DMD: variants seen among roughly 807,000 people sequenced by gnomAD.
DMD encodes dystrophin.
Under a neutral mutation model 330.1 loss-of-function variants are expected in DMD, and 63 were observed. That is an observed-to-expected ratio of 0.19 (90% CI 0.16 to 0.24). The LOEUF (loss-of-function observed/expected upper bound fraction) is 0.24, where lower values mean the gene tolerates loss of function less well. DMD is among the 10% of genes least tolerant of loss of function. The pLI, the probability that DMD is intolerant of heterozygous loss-of-function variation, is 1.00. For synonymous variants in DMD, 1,223 were observed against 959.8 expected (o/e 1.27, Z -5.07); for missense variants, 3,344 against 2,684.1 (o/e 1.25, Z -5.43).
intron 52 of DMD, among the ~76,000 whole-genome samples, chrX:31,688,663 C>T (rs2082873219): frequency 1.8e-5 from 2 of 110,813 alleles, no homozygotes; most frequent in African/African-American, 3.3e-5. Context: ...AGAGACACAA[C>T]AAAAAAAGAG....
At chrX:31,856,276 A>C (rs1304842466) in intron 48 of DMD, among the ~76,000 whole-genome samples, 6 of 111,787 alleles carry the variant, frequency 5.4e-5, no homozygotes, top group Non-Finnish European at 9.4e-5. Context: ...ATATATGATA[A>C]AATTAAAAAT....
At position 33,009,614 on chromosome X, in the gene DMD, ATG is replaced by A. The variant is rs1170819437; in HGVS notation, c.93+10523_93+10524del. On this transcript the variant is annotated intron_variant, in intron 2 of 78. Transcript: ENST00000357033. ...TATGTGTGTATGTGTATATACACATATGTGTGTATGTGTGTATGTGTATATAC... is the reference window on the plus strand; with the variant it reads ...TATGTGTGTATGTGTATATACACATATGTGTATGTGTGTATGTGTATATAC... 3.4e-5 allele frequency among the ~76,000 whole-genome samples: 2 copies of A among 59,304 alleles called. 1 individual carries two copies. The highest frequency in any genetic ancestry group is 6.6e-5 in the Non-Finnish European group (2 of 30,418). 51.5% of individuals were successfully genotyped at this position (59,304 alleles called of 115,157 possible).
At chrX:31,954,056 T>C (rs1220773237) in intron 45 of DMD, among the ~76,000 whole-genome samples, 1 of 111,076 alleles carries the variant, frequency 9.0e-6, no homozygotes, top group Non-Finnish European at 1.9e-5. Flanking sequence ...GGATAGACTC[T>C]AATCATTAAA....
At chrX:33,113,165 T>C (rs1373870993) in intron 1 of DMD, among the ~76,000 whole-genome samples, 1 of 105,650 alleles carries the variant, frequency 9.5e-6, no homozygotes, top group Non-Finnish European at 1.9e-5. Flanking sequence ...GAGATTCTCC[T>C]GCCTCAGCCT....
chrX:31,667,990 T>A (rs2081525667), intron 53 of DMD, among the ~76,000 whole-genome samples: 1 of 111,950 alleles, frequency 8.9e-6, no homozygotes. Flanking sequence ...TATCTCCTTG[T>A]GGTTTTCATT....
intron 43 of DMD, among the ~76,000 whole-genome samples, chrX:32,281,419 A>T (rs1196841097): frequency 8.9e-6 from 1 of 112,384 alleles, no homozygotes; most frequent in Non-Finnish European, 1.9e-5. Context: ...TATTATTTTT[A>T]AAATGTAAGT....
chrX:32,983,394 T>C (rs1195901649), intron 2 of DMD, among the ~76,000 whole-genome samples: 1 of 110,752 alleles, frequency 9.0e-6, no homozygotes, highest in African/African-American at 3.3e-5. Flanking sequence ...TGTATTCTTT[T>C]CTTTTGTTTT....
chrX:31,819,842 CA>C, intron 50 of DMD, 132 bp downstream of exon 50: 2 of 534,485 alleles, frequency 3.7e-6, no homozygotes, highest in South Asian at 5.5e-5. Context: ...ACTTTTTGCA[CA>C]GTCAATAACA....
At chrX:32,011,310 G>A (rs1053510270) in intron 44 of DMD, among the ~76,000 whole-genome samples, 1 of 111,464 alleles carries the variant, frequency 9.0e-6, no homozygotes, top group Non-Finnish European at 1.9e-5. Flanking sequence ...CATTTCTTTT[G>A]CATCTTTGTG....
intron 2 of DMD, among the ~76,000 whole-genome samples, chrX:33,005,256 T>C (rs751396463): frequency 1.1e-5 from 1 of 91,425 alleles, no homozygotes; most frequent in Admixed American, 1.2e-4. Flanking sequence ...TACAAACTTT[T>C]GGACTTTACA....
intron 18 of DMD, among the ~76,000 whole-genome samples, chrX:32,508,739 C>A (rs1045284825): frequency 1.1e-4 from 12 of 111,734 alleles, no homozygotes; most frequent in African/African-American, 3.9e-4. Context: ...AGACTATACC[C>A]GACAAACTGA....
rs763311546 is a variant in DMD, at chrX:33,009,981, CAT to C, written c.93+10156_93+10157del. On this transcript the variant is annotated intron_variant, in intron 2 of 78. Coordinates refer to ENST00000357033, the MANE Select transcript of DMD (RefSeq NM_004006.3). ...GTATATACACATATGTGTGTATACA[CAT>C]GTGTGTATATACACGTATGTATGTG... 5.1e-4 allele frequency among the ~76,000 whole-genome samples: 24 copies of C among 47,266 alleles called. 4 individuals carry two copies. Among genetic ancestry groups the C allele is most frequent in the African/African-American group, 1.7e-3 (16 of 9,274 alleles). The allele number at this position is 47,266 out of a possible 115,157, so 41.0% of individuals were successfully genotyped here.
intron 76 of DMD, among the ~76,000 whole-genome samples, chrX:31,145,166 T>C (rs952859474): frequency 5.3e-5 from 6 of 112,402 alleles, no homozygotes; most frequent in Admixed American, 4.7e-4. Context: ...TTTCATTTCA[T>C]TGAAACAGAA....
chrX:32,985,157 T>C (rs1420046696), intron 2 of DMD, among the ~76,000 whole-genome samples: 1 of 112,364 alleles, frequency 8.9e-6, no homozygotes. Flanking sequence ...GAATGTATCA[T>C]CCTTTCAATA....
intron 45 of DMD, among the ~76,000 whole-genome samples, chrX:31,938,209 G>A (rs914571922): frequency 1.8e-5 from 2 of 111,753 alleles, no homozygotes; most frequent in Non-Finnish European, 3.8e-5. Context: ...TAGTTTCACA[G>A]TGGAATCTTT....
At chrX:32,930,303 G>A (rs1048011913) in intron 2 of DMD, among the ~76,000 whole-genome samples, 15 of 110,783 alleles carry the variant, frequency 1.4e-4, no homozygotes, top group African/African-American at 4.9e-4. Context: ...AAATTGTTAA[G>A]TTGAACTACT....
chrX:31,353,584 C>T (rs1014486896), intron 60 of DMD, among the ~76,000 whole-genome samples: 3 of 111,524 alleles, frequency 2.7e-5, no homozygotes, highest in Admixed American at 9.5e-5. Flanking sequence ...TCTTGGATTT[C>T]GAGTAAGGAA....
intron 43 of DMD, among the ~76,000 whole-genome samples, chrX:32,237,697 G>A (rs758284398): frequency 2.1e-4 from 24 of 111,909 alleles, no homozygotes; most frequent in Non-Finnish European, 4.1e-4. Flanking sequence ...ATAGAGGCAT[G>A]TAAGAGTCAG....
chrX:32,785,559 C>T lies in DMD; in HGVS notation c.649+23934G>A, dbSNP rs1231475671. ...TTATAATGATTTTGCTTAAAATGTACATTTCTGTTTATGATGAATGCAAAG... is the reference window on the plus strand; with the variant it reads ...TTATAATGATTTTGCTTAAAATGTATATTTCTGTTTATGATGAATGCAAAG... On this transcript the variant is annotated intron_variant, in intron 7 of 78. Coordinates refer to ENST00000357033, the MANE Select transcript of DMD (RefSeq NM_004006.3). Among the ~76,000 whole-genome samples the T allele has an allele frequency of 1.3e-4, 14 of 111,238 alleles. No homozygotes were observed. In the South Asian group the frequency reaches 2.2e-3, roughly 18 times the overall value.
Sources: gnomAD v4.1 joint callset for allele counts (sites outside exome capture counted in the v4.1 genomes callset) on GRCh38, gnomAD v4.1.1 for gene constraint, MANE v1.5 for transcripts, NCBI Gene and HGNC (gene_info 2026-07-23, HGNC 2026-07-21) for gene names.